The following DIAPH3 variants were observed in gnomAD, a reference collection of about 807,000 sequenced individuals.
DIAPH3 encodes the protein protein diaphanous homolog 3.
Under a neutral mutation model 144.3 loss-of-function variants are expected in DIAPH3, and 117 were observed. The observed-to-expected ratio is 0.81, with a 90% CI of 0.70 to 0.95. The LOEUF (loss-of-function observed/expected upper bound fraction) is 0.95. Among genes scored for constraint, DIAPH3 ranks in the 40% least tolerant of loss-of-function variants. The probability of loss-of-function intolerance (pLI) is 0.00; values close to 1 mark genes in which losing one functional copy is unlikely to be tolerated. For synonymous variants in DIAPH3, 519 were observed against 488.9 expected (o/e 1.06, Z -0.81); for missense variants, 1,421 against 1,412.7 (o/e 1.01, Z -0.09).
intron 1 of DIAPH3, among the ~76,000 whole-genome samples, chr13:60,159,302 A>G (rs981383816): frequency 2.0e-5 from 3 of 152,152 alleles, no homozygotes; most frequent in Admixed American, 6.5e-5. Context: ...CCCAACAGCT[A>G]TGGGAGAGAA....
chr13:59,791,721 G>A (rs2039335131), intron 25 of DIAPH3, among the ~76,000 whole-genome samples: 1 of 152,170 alleles, frequency 6.6e-6, no homozygotes, highest in Admixed American at 6.5e-5. Context: ...GGAAACAGGA[G>A]CAGGCAAGCA....
At chr13:59,793,088 A>G (rs1356916696) in intron 25 of DIAPH3, among the ~76,000 whole-genome samples, 2 of 152,162 alleles carry the variant, frequency 1.3e-5, no homozygotes, top group Non-Finnish European at 2.9e-5. Flanking sequence ...AGAAAACAGG[A>G]ACCACTTGAT....
chr13:59,900,414 T>C (rs563404013), intron 20 of DIAPH3, among the ~76,000 whole-genome samples: 18 of 152,290 alleles, frequency 1.2e-4, no homozygotes, highest in Non-Finnish European at 2.5e-4. Context: ...ATGAATTATA[T>C]ACCCTACAAA....
At chr13:60,040,724 C>A (rs1477141760) in intron 5 of DIAPH3, among the ~76,000 whole-genome samples, 3 of 152,052 alleles carry the variant, frequency 2.0e-5, no homozygotes, top group Non-Finnish European at 4.4e-5. Context: ...CAGTCAACAC[C>A]CCCAATACCC....
At chr13:59,882,584 T>C (rs770026387) in intron 20 of DIAPH3, among the ~76,000 whole-genome samples, 11 of 152,174 alleles carry the variant, frequency 7.2e-5, no homozygotes, top group Non-Finnish European at 1.3e-4. Context: ...CTGACTTGTC[T>C]AAGACTAAGT....
chr13:59,750,705 C>T (rs2036963045), intron 27 of DIAPH3, among the ~76,000 whole-genome samples: 1 of 152,128 alleles, frequency 6.6e-6, no homozygotes, highest in South Asian at 2.1e-4. Context: ...AATATTTTTA[C>T]CGTAGGCCAC....
intron 5 of DIAPH3, among the ~76,000 whole-genome samples, chr13:60,037,010 C>T: frequency 1.0e-4 from 1 of 9,956 alleles, no homozygotes; most frequent in East Asian, 1.2e-3. Flanking sequence ...CTCACCCAGA[C>T]ACGTAAAAGA....
rs201517886 is a variant in DIAPH3 at position 59,774,761 on chromosome 13, G to A, written c.3226C>T (p.Arg1076Cys). 1.4e-3 allele frequency: 2,264 copies of A among 1,614,026 alleles called. 5 individuals are homozygous for A. Among genetic ancestry groups the A allele is most frequent in the Non-Finnish European group, 1.7e-3 (2,057 of 1,180,014 alleles). Residue 1076 changes from arginine to cysteine, a missense_variant, in exon 26 of 28, where the codon CGC (arginine) becomes TGC (cysteine). Physicochemically the swap from Arg to Cys is radical, Grantham distance 180. Coordinates refer to ENST00000400324, the MANE Select transcript of DIAPH3 (RefSeq NM_001042517.2). ...ATCGGTGTCCTTTTTCTTCTGTCGC[G>A]GAAGGCAGCCCCGGACTGCAAGGCC... ...LEALQSGAAFRDRRKRTPMPK... is the reference protein window; with the variant it reads ...LEALQSGAAFCDRRKRTPMPK...
chr13:60,015,973 T>A lies in DIAPH3; in HGVS notation c.711A>T (p.Lys237Asn), dbSNP rs80037301. The A allele has an allele frequency of 9.2e-4, 1,489 of 1,613,254 alleles. 16 individuals carry two copies. The East Asian group carries it at 0.026, about 28-fold the overall frequency. The stretch of plus-strand genomic sequence containing the variant: ...CTTTATGTTGATTTTTCTTTACAAC[T>A]TTTTCTTGGCTGTATTGACATAAAA... ...EKLISGKIQE[K>N]VVKKNQHKVI... The change falls in exon 7 of 28, where the codon AAA becomes AAT. Residue 237 changes from lysine (K) to asparagine (N), a missense_variant. Coordinates refer to ENST00000400324, the MANE Select transcript of DIAPH3 (RefSeq NM_001042517.2).
At chr13:60,135,594 G>A (rs1252205280) in intron 1 of DIAPH3, among the ~76,000 whole-genome samples, 1 of 152,124 alleles carries the variant, frequency 6.6e-6, no homozygotes, top group African/African-American at 2.4e-5. Context: ...CAATAGGGCA[G>A]GAAATCACAG....
chr13:60,158,125 T>C (rs1306211864), intron 1 of DIAPH3, among the ~76,000 whole-genome samples: 1 of 152,240 alleles, frequency 6.6e-6, no homozygotes, highest in Admixed American at 6.5e-5. Flanking sequence ...TGCTAGTCCC[T>C]TCTTCCAAGT....
intron 17 of DIAPH3, among the ~76,000 whole-genome samples, chr13:59,939,737 C>A (rs537429007): frequency 2.1e-4 from 32 of 152,204 alleles, no homozygotes; most frequent in Non-Finnish European, 4.0e-4. Context: ...TTGTGGATCC[C>A]TGTATATACA....
At position 59,861,452 on chromosome 13, in the gene DIAPH3, G is replaced by A; in HGVS notation, c.2692C>T (p.Leu898=). The A allele has an allele frequency of 6.2e-7, 1 of 1,613,714 alleles. No homozygotes were observed. Among genetic ancestry groups the A allele is most frequent in the Non-Finnish European group, 8.5e-7 (1 of 1,179,854 alleles). The change falls in exon 22 of 28, where the codon CTG becomes TTG. Residue 898 remains leucine (L), a synonymous_variant. Transcript: ENST00000400324. ...EICEEKYPDI[L]NFVDDLEPLD... ...GGTTCCAAATCATCCACAAAATTCA[G>A]TATATCAGGGTACTTCTCTTCACAT...
At chr13:59,995,316 C>T (rs527332998) in intron 9 of DIAPH3, among the ~76,000 whole-genome samples, 9 of 151,908 alleles carry the variant, frequency 5.9e-5, no homozygotes, top group African/African-American at 2.2e-4. Context: ...AGTTGATGTT[C>T]CAAAAATGTA....
chr13:60,011,312 T>C (rs2053246790), intron 7 of DIAPH3, among the ~76,000 whole-genome samples: 1 of 152,210 alleles, frequency 6.6e-6, no homozygotes, highest in East Asian at 1.9e-4. Flanking sequence ...AACAGCCAGA[T>C]ACGGAACCAG....
At chr13:59,719,288 GCCA>G (rs2035220855) in intron 27 of DIAPH3, among the ~76,000 whole-genome samples, 1 of 152,126 alleles carries the variant, frequency 6.6e-6, no homozygotes, top group Non-Finnish European at 1.5e-5. Flanking sequence ...AATGAAGAGA[GCCA>G]CATTTTTACT....
At chr13:60,109,150 A>G (rs1053977520) in intron 3 of DIAPH3, among the ~76,000 whole-genome samples, 3 of 152,116 alleles carry the variant, frequency 2.0e-5, no homozygotes, top group African/African-American at 7.2e-5. Flanking sequence ...AAGGATATGG[A>G]GAGTAAACTG....
At position 59,666,242 on chromosome 13, in the gene DIAPH3, T is replaced by C. The variant is rs906827658; in HGVS notation, c.*342A>G. The C allele has an allele frequency of 9.7e-6, 2 of 205,296 alleles. No homozygotes were observed. Among genetic ancestry groups the C allele is most frequent in the Non-Finnish European group, 1.9e-5 (2 of 103,910 alleles). 12.7% of individuals were successfully genotyped at this position (205,296 alleles called of 1,614,324 possible). On this transcript the variant is annotated 3_prime_UTR_variant, in exon 28 of 28. Transcript: ENST00000400324. ...TAGTAAAGTAAAAATTCCAGTGGCT[T>C]AGAAAGATGGTATTTTCTTAAGGAC...
intron 27 of DIAPH3, among the ~76,000 whole-genome samples, chr13:59,710,481 A>T (rs2034677636): frequency 6.6e-6 from 1 of 152,208 alleles, no homozygotes; most frequent in Non-Finnish European, 1.5e-5. Context: ...ATATTTTAAT[A>T]AAATGGTGAC....
Sources: allele counts gnomAD v4.1 joint callset (sites outside exome capture counted in the v4.1 genomes callset), GRCh38; gene constraint gnomAD v4.1.1; transcripts MANE v1.5; gene names NCBI Gene and HGNC (gene_info 2026-07-23, HGNC 2026-07-21).